The following MGAT4C variants were observed in gnomAD, a reference collection of about 807,000 sequenced individuals.
The protein encoded by MGAT4C is alpha-1,3-mannosyl-glycoprotein 4-beta-N-acetylglucosaminyltransferase C.
A neutral mutation model predicts 40.1 loss-of-function variants in MGAT4C; 19 were observed. The observed-to-expected ratio is 0.47, with a 90% CI of 0.33 to 0.70. The LOEUF (loss-of-function observed/expected upper bound fraction) is 0.70. Ranked by LOEUF, MGAT4C falls within the 30% of genes least tolerant of loss-of-function variation. The pLI, the probability that MGAT4C is intolerant of heterozygous loss-of-function variation, is 0.02. For missense variants in MGAT4C, 491 were observed against 563.2 expected (o/e 0.87, Z 1.30); for synonymous variants, 181 against 187.1 (o/e 0.97, Z 0.27).
At chr12:86,193,601 C>A (rs1199503653) in intron 1 of MGAT4C, among the ~76,000 whole-genome samples, 2 of 151,806 alleles carry the variant, frequency 1.3e-5, no homozygotes, top group Admixed American at 6.6e-5. Flanking sequence ...TTTTTATTTT[C>A]TTTTTATTTG....
chr12:86,092,510 T>A (rs924831929), intron 1 of MGAT4C, among the ~76,000 whole-genome samples: 1 of 152,078 alleles, frequency 6.6e-6, no homozygotes, highest in Non-Finnish European at 1.5e-5. Context: ...AAAAAGACGC[T>A]AAAATATTAT....
intron 1 of MGAT4C, among the ~76,000 whole-genome samples, chr12:86,223,558 C>T (rs563437187): frequency 1.7e-4 from 26 of 152,288 alleles, no homozygotes; most frequent in South Asian, 6.2e-4. Flanking sequence ...GGCAGGCCCG[C>T]GGTGTACCCA....
intron 2 of MGAT4C, among the ~76,000 whole-genome samples, chr12:86,454,250 C>T (rs1223587281): frequency 6.6e-6 from 1 of 151,472 alleles, no homozygotes; most frequent in Non-Finnish European, 1.5e-5. Context: ...TTTTTTAAGA[C>T]AGGGTCTCAC....
At chr12:85,982,918 G>A (rs984952947) in intron 4 of MGAT4C, among the ~76,000 whole-genome samples, 1 of 152,198 alleles carries the variant, frequency 6.6e-6, no homozygotes, top group Admixed American at 6.5e-5. Flanking sequence ...AGGAATTGGA[G>A]TGATGCCCCA....
At chr12:86,517,880 C>T (rs1958723846) in intron 2 of MGAT4C, among the ~76,000 whole-genome samples, 1 of 152,230 alleles carries the variant, frequency 6.6e-6, no homozygotes, top group Admixed American at 6.5e-5. Flanking sequence ...GATCTCCTGA[C>T]CTCGTGATCT....
chr12:86,519,556 C>T lies in MGAT4C; in HGVS notation c.-228-84291G>A, dbSNP rs571278781. Among the ~76,000 whole-genome samples the T allele has an allele frequency of 7.1e-4, 108 of 152,196 alleles. 2 individuals carry two copies. The highest frequency in any genetic ancestry group is 2.5e-3 in the African/African-American group (105 of 41,514). ...GGGTTCCCTTTTCTCTACATCCTTC[C>T]CAGCATCTGTTATTGCCTGTCTTTT... On this transcript the variant is annotated intron_variant, in intron 2 of 7. Transcript: ENST00000548651.
At chr12:86,550,750 G>A (rs1959312092) in intron 2 of MGAT4C, among the ~76,000 whole-genome samples, 1 of 152,174 alleles carries the variant, frequency 6.6e-6, no homozygotes, top group African/African-American at 2.4e-5. Context: ...GTGCAAACCT[G>A]CCCATAAGCT....
chr12:86,696,842 T>TGAA (rs1203975113), intron 2 of MGAT4C, among the ~76,000 whole-genome samples: 2 of 152,238 alleles, frequency 1.3e-5, no homozygotes, highest in Admixed American at 6.6e-5. Context: ...GCTTTTAGTG[T>TGAA]GAAGACAAAA....
chr12:86,591,306 T>C (rs1199299792), intron 2 of MGAT4C, among the ~76,000 whole-genome samples: 1 of 152,020 alleles, frequency 6.6e-6, no homozygotes, highest in Non-Finnish European at 1.5e-5. Flanking sequence ...ATCAGATCTA[T>C]GATATTAATA....
chr12:86,502,542 G>A (rs149890664), intron 2 of MGAT4C, among the ~76,000 whole-genome samples: 35 of 151,550 alleles, frequency 2.3e-4, no homozygotes, highest in African/African-American at 8.2e-4. Flanking sequence ...TTCATCCATT[G>A]TAACAAGCAT....
chr12:86,356,067 G>A (rs1171431426), intron 3 of MGAT4C, among the ~76,000 whole-genome samples: 1 of 152,072 alleles, frequency 6.6e-6, no homozygotes, highest in East Asian at 1.9e-4. Flanking sequence ...GCTACATACA[G>A]AGTGAAAAAT....
chr12:86,808,261 T>C (rs889424121), intron 1 of MGAT4C, among the ~76,000 whole-genome samples: 2 of 152,088 alleles, frequency 1.3e-5, no homozygotes, highest in African/African-American at 4.8e-5. Flanking sequence ...GAGAGACTCC[T>C]CTCTAACTCA....
intron 2 of MGAT4C, among the ~76,000 whole-genome samples, chr12:86,492,652 T>C (rs546068396): frequency 6.6e-6 from 1 of 152,296 alleles, no homozygotes; most frequent in East Asian, 1.9e-4. Context: ...TAATTCAAGA[T>C]GGATTAAAGA....
intron 3 of MGAT4C, among the ~76,000 whole-genome samples, chr12:86,338,423 TCCTAAA>T (rs1954835213): frequency 6.6e-6 from 1 of 152,162 alleles, no homozygotes; most frequent in Admixed American, 6.6e-5. Context: ...GCTGCGTGAC[TCCTAAA>T]CCATAATTTC....
At chr12:86,136,888 A>T (rs545033976) in intron 1 of MGAT4C, among the ~76,000 whole-genome samples, 1 of 152,020 alleles carries the variant, frequency 6.6e-6, no homozygotes, top group Non-Finnish European at 1.5e-5. Context: ...AGGTTTCACC[A>T]TGTTGGCCAG....
At chr12:86,512,440 G>T (rs988977461) in intron 2 of MGAT4C, among the ~76,000 whole-genome samples, 6 of 152,064 alleles carry the variant, frequency 3.9e-5, no homozygotes, top group African/African-American at 1.4e-4. Context: ...CCAGGATCTT[G>T]ATTAGATATT....
chr12:86,763,373 T>C (rs1424491888), intron 1 of MGAT4C, among the ~76,000 whole-genome samples: 5 of 152,320 alleles, frequency 3.3e-5, no homozygotes, highest in East Asian at 1.9e-4. Context: ...AGTATTTTTT[T>C]TCATGTTACT....
At chr12:86,164,585 A>T (rs1885981305) in intron 1 of MGAT4C, among the ~76,000 whole-genome samples, 2 of 152,154 alleles carry the variant, frequency 1.3e-5, no homozygotes, top group South Asian at 4.1e-4. Flanking sequence ...AGAGTGTATG[A>T]TGTTTTATGA....
At chr12:86,064,023 T>G (rs920959304) in intron 1 of MGAT4C, among the ~76,000 whole-genome samples, 1 of 152,182 alleles carries the variant, frequency 6.6e-6, no homozygotes, top group African/African-American at 2.4e-5. Context: ...TATTCAGGAC[T>G]TGAACTCAGC....
Sources: gnomAD v4.1 joint callset for allele counts (sites outside exome capture counted in the v4.1 genomes callset) on GRCh38, gnomAD v4.1.1 for gene constraint, MANE v1.5 for transcripts, NCBI Gene and HGNC (gene_info 2026-07-23, HGNC 2026-07-21) for gene names.